Variants in CPPED1 observed in about 807,000 individuals in gnomAD.
The protein encoded by CPPED1 is serine/threonine-protein phosphatase CPPED1.
Under a neutral mutation model 28.0 loss-of-function variants are expected in CPPED1, and 28 were observed. That is an observed-to-expected ratio of 1.00 (90% CI 0.74 to 1.37). The LOEUF is 1.37. Among genes scored for constraint, CPPED1 ranks in the 40% most tolerant of loss-of-function variants. The probability of loss-of-function intolerance (pLI) is 0.00; values close to 1 mark genes in which losing one functional copy is unlikely to be tolerated. For missense variants in CPPED1, 504 were observed against 416.5 expected, an observed-to-expected ratio of 1.21 and a Z score of -1.83; for synonymous variants, 198 against 180.2, an observed-to-expected ratio of 1.10 and a Z score of -0.79.
intron 2 of CPPED1, among the ~76,000 whole-genome samples, chr16:12,763,311 G>A (rs1009174495): frequency 4.0e-5 from 6 of 151,416 alleles, no homozygotes; most frequent in Non-Finnish European, 8.8e-5. Flanking sequence ...CTATCCTCCC[G>A]AGGCCTGCCT....
intron 1 of CPPED1, among the ~76,000 whole-genome samples, chr16:12,787,942 G>A (rs114189236): frequency 0.015 from 2,283 of 152,260 alleles, 50 homozygotes; most frequent in African/African-American, 0.052. Flanking sequence ...CTCACATGGG[G>A]CAGGATCCGT....
At chr16:12,712,732 G>A (rs1404973743) in intron 2 of CPPED1, among the ~76,000 whole-genome samples, 1 of 152,026 alleles carries the variant, frequency 6.6e-6, no homozygotes, top group Non-Finnish European at 1.5e-5. Flanking sequence ...CTAGTAGTAC[G>A]ACACAATTTT....
At chr16:12,762,721 G>A (rs2080416686) in intron 2 of CPPED1, among the ~76,000 whole-genome samples, 1 of 152,088 alleles carries the variant, frequency 6.6e-6, no homozygotes. Flanking sequence ...AACAGGGACG[G>A]AGTTTCTTTC....
intron 2 of CPPED1, among the ~76,000 whole-genome samples, chr16:12,727,260 C>T (rs1439314096): frequency 3.3e-5 from 5 of 151,952 alleles, no homozygotes; most frequent in African/African-American, 7.3e-5. Flanking sequence ...TGGCTGGTGG[C>T]GACAGGGAAA....
chr16:12,800,911 C>A (rs1158892321), intron 1 of CPPED1, among the ~76,000 whole-genome samples: 2 of 152,132 alleles, frequency 1.3e-5, no homozygotes, highest in Non-Finnish European at 2.9e-5. Context: ...GGAAACCCTG[C>A]GTGAATGACC....
chr16:12,663,560 T>A lies in CPPED1; in HGVS notation c.*1326A>T, dbSNP rs996938120. 2 of 152,246 alleles carry A rather than the reference T, an allele frequency of 1.3e-5. No individual in the cohort carries two copies. The highest frequency in any genetic ancestry group is 4.8e-5 in the African/African-American group (2 of 41,466). 9.4% of individuals were successfully genotyped at this position (152,246 alleles called of 1,614,324 possible). A position where few individuals can be genotyped will look rare whatever the true frequency, so the allele number is the denominator to read the frequency against. On this transcript the variant is annotated 3_prime_UTR_variant, in exon 4 of 4. Coordinates refer to ENST00000381774, the MANE Select transcript of CPPED1 (RefSeq NM_018340.3). ...TGGTGTCACCAGCCTATTGTATAAT[T>A]AACTTCTCGTCTTTTGTTCCTTATG...
chr16:12,794,068 T>G (rs781206690), intron 1 of CPPED1, among the ~76,000 whole-genome samples: 1 of 151,324 alleles, frequency 6.6e-6, no homozygotes, highest in Non-Finnish European at 1.5e-5. Context: ...CACCAAAGAG[T>G]AGCTAAACAA....
In CPPED1 at chr16:12,705,007, A is replaced by G. The variant is rs375032569; in HGVS notation, c.332T>C (p.Val111Ala). 4.3e-6 allele frequency: 7 copies of G among 1,613,490 alleles called. No individual in the cohort carries two copies. Among genetic ancestry groups the G allele is most frequent in the Non-Finnish European group, 5.9e-6 (7 of 1,179,740 alleles). Residue 111 changes from valine to alanine, a missense_variant, in exon 3 of 4, where the codon GTG becomes GCG. Coordinates refer to ENST00000381774, the MANE Select transcript of CPPED1 (RefSeq NM_018340.3). ...GATGGCCCTGTCCACTGCCCTAAGC[A>G]CTCGCTTCAGGTCCTCCGTCTGCTC... The part of the protein sequence containing the change: ...RTEQTEDLKR[V>A]LRAVDRAIPL...
chr16:12,670,721 C>T lies in CPPED1; in HGVS notation c.716-5606G>A, dbSNP rs896525999. ...AGACACATTGTATCAAATACCTGACCAGCACTCCTCAAAACTGTCATCAAA... is the reference window on the plus strand; with the variant it reads ...AGACACATTGTATCAAATACCTGACTAGCACTCCTCAAAACTGTCATCAAA... On this transcript the variant is annotated intron_variant, in intron 3 of 3. Coordinates refer to ENST00000381774, the MANE Select transcript of CPPED1 (RefSeq NM_018340.3). The surrounding 1 kb of genome is among the most constrained non-coding windows in gnomAD (Gnocchi z 4.2). Among the ~76,000 whole-genome samples the T allele has an allele frequency of 6.6e-6, 1 of 152,158 alleles. No individual in the cohort carries two copies. The highest frequency in any genetic ancestry group is 1.9e-4 in the East Asian group (1 of 5,198).
In CPPED1 at chr16:12,799,402, C is replaced by G. The variant is rs866379276; in HGVS notation, c.70+4305G>C. 2.0e-5 allele frequency among the ~76,000 whole-genome samples: 3 copies of G among 152,212 alleles called. No individual in the cohort carries two copies. The Middle Eastern group carries it at 0.01, about 518-fold the overall frequency. On this transcript the variant is annotated intron_variant, in intron 1 of 3. Transcript: ENST00000381774. ...CTGGGATTACAGGTGCCTGCCACCA[C>G]ACCCGGCTAATTTTTTTAATTTTAG...
chr16:12,756,338 T>A (rs2080367981), intron 2 of CPPED1, among the ~76,000 whole-genome samples: 1 of 152,134 alleles, frequency 6.6e-6, no homozygotes, highest in Non-Finnish European at 1.5e-5. Context: ...TCTGCAACAA[T>A]GCTGCATCTC....
intron 2 of CPPED1, among the ~76,000 whole-genome samples, chr16:12,722,107 A>C (rs1467481079): frequency 1.3e-5 from 2 of 152,222 alleles, no homozygotes; most frequent in African/African-American, 4.8e-5. Flanking sequence ...GGCAACTCAA[A>C]GGAGAACTGA....
At chr16:12,752,675 T>A (rs543112976) in intron 2 of CPPED1, among the ~76,000 whole-genome samples, 1 of 147,238 alleles carries the variant, frequency 6.8e-6, no homozygotes, top group Non-Finnish European at 1.5e-5. Context: ...TAATATATAT[T>A]TATATATATA....
At chr16:12,693,467 A>AT (rs1335142711) in intron 3 of CPPED1, among the ~76,000 whole-genome samples, 3 of 151,546 alleles carry the variant, frequency 2.0e-5, no homozygotes, top group Admixed American at 6.6e-5. Context: ...AAGTGCTGGA[A>AT]TTACAGGGGT....
chr16:12,729,604 A>G (rs1223309870), intron 2 of CPPED1, among the ~76,000 whole-genome samples: 1 of 152,192 alleles, frequency 6.6e-6, no homozygotes, highest in Non-Finnish European at 1.5e-5. Context: ...TTTTGTTTTT[A>G]TAAAGCCACT....
At chr16:12,719,604 G>C (rs777525233) in intron 2 of CPPED1, among the ~76,000 whole-genome samples, 1 of 152,106 alleles carries the variant, frequency 6.6e-6, no homozygotes, top group African/African-American at 2.4e-5. Context: ...TATAGGATTT[G>C]ATTTTTCCCT....
Position 12,794,088 on chromosome 16 carries a change from C to A in CPPED1, c.70+9619G>T, listed in dbSNP as rs769736995. Among the ~76,000 whole-genome samples the A allele has an allele frequency of 1.2e-4, 19 of 152,176 alleles. No individual in the cohort carries two copies. The South Asian group carries it at 3.1e-3, about 25-fold the overall frequency. ...AAGAGTAGCTAAACAATATTTACCACTTTGGGACTCTTTCTGACTTAACAA... is the reference window on the plus strand; with the variant it reads ...AAGAGTAGCTAAACAATATTTACCAATTTGGGACTCTTTCTGACTTAACAA... On this transcript the variant is annotated intron_variant, in intron 1 of 3. Transcript: ENST00000381774.
chr16:12,747,353 G>A (rs894479083), intron 2 of CPPED1, among the ~76,000 whole-genome samples: 4 of 151,908 alleles, frequency 2.6e-5, no homozygotes, highest in African/African-American at 9.7e-5. Context: ...GATTGATTGA[G>A]CCTGACAGGG....
At chr16:12,678,609 A>T (rs1351200397) in intron 3 of CPPED1, among the ~76,000 whole-genome samples, 1 of 152,182 alleles carries the variant, frequency 6.6e-6, no homozygotes, top group African/African-American at 2.4e-5. Context: ...GGTCTTGGAC[A>T]TCCTTTGCTA....
Sources: gnomAD v4.1 joint callset for allele counts (sites outside exome capture counted in the v4.1 genomes callset) on GRCh38, gnomAD v4.1.1 for gene constraint, Gnocchi (gnomAD v3.1) non-coding constraint, MANE v1.5 for transcripts, NCBI Gene and HGNC (gene_info 2026-07-23, HGNC 2026-07-21) for gene names.